ASTN2: variants seen among roughly 807,000 people sequenced by gnomAD.
ASTN2 encodes the protein astrotactin 2, also known as astrotactin-2.
Under a neutral mutation model 139.8 loss-of-function variants are expected in ASTN2, and 54 were observed. The observed-to-expected ratio is 0.39, with a 90% CI of 0.31 to 0.48. The LOEUF (loss-of-function observed/expected upper bound fraction) is 0.48. ASTN2 is among the 20% of genes least tolerant of loss of function. The pLI is 0.95. For missense variants in ASTN2, 1,565 were observed against 1,725.1 expected, an observed-to-expected ratio of 0.91 and a Z score of 1.64; for synonymous variants, 756 against 719.5, an observed-to-expected ratio of 1.05 and a Z score of -0.81.
intron 19 of ASTN2, chr9:116,612,056 G>A (rs1054970612): frequency 5.9e-5 from 9 of 152,054 alleles, no homozygotes; most frequent in Non-Finnish European, 1.2e-4. Context: ...CAAATTTAGA[G>A]AGATAAACTA....
chr9:117,191,091 G>C (rs1260266554), intron 3 of ASTN2, among the ~76,000 whole-genome samples: 2 of 151,994 alleles, frequency 1.3e-5, no homozygotes, highest in African/African-American at 4.8e-5. Context: ...AGCTAAACAT[G>C]TATCAAGAAC....
intron 13 of ASTN2, among the ~76,000 whole-genome samples, chr9:116,791,780 C>T (rs1392862225): frequency 6.6e-6 from 1 of 152,150 alleles, no homozygotes. Flanking sequence ...ATTGTCTCTG[C>T]TTCAGATGTC....
At chr9:117,235,624 C>T (rs1284269312) in intron 2 of ASTN2, among the ~76,000 whole-genome samples, 2 of 152,320 alleles carry the variant, frequency 1.3e-5, no homozygotes, top group African/African-American at 2.4e-5. Context: ...CCTTTCCCTT[C>T]ATTAGTACCT....
chr9:116,800,969 T>C (rs1319747397), intron 13 of ASTN2, among the ~76,000 whole-genome samples: 6 of 152,102 alleles, frequency 3.9e-5, no homozygotes, highest in Non-Finnish European at 8.8e-5. Flanking sequence ...GGTGGGGTGA[T>C]CTAGGCAGGG....
At chr9:116,478,528 C>G (rs773981200) in intron 20 of ASTN2, among the ~76,000 whole-genome samples, 2 of 152,134 alleles carry the variant, frequency 1.3e-5, no homozygotes, top group Non-Finnish European at 2.9e-5. Context: ...CTTCAGGGTC[C>G]TATCTAGGAT....
At chr9:116,774,471 T>C (rs1007536800) in intron 13 of ASTN2, among the ~76,000 whole-genome samples, 1 of 152,206 alleles carries the variant, frequency 6.6e-6, no homozygotes, top group Non-Finnish European at 1.5e-5. Flanking sequence ...ACATTTATTA[T>C]ATACCTTCTG....
chr9:116,528,085 C>T (rs886723181), intron 19 of ASTN2, among the ~76,000 whole-genome samples: 1 of 152,146 alleles, frequency 6.6e-6, no homozygotes, highest in Admixed American at 6.5e-5. Flanking sequence ...AAGGGGGTAA[C>T]AGGCAGAAGT....
intron 19 of ASTN2, among the ~76,000 whole-genome samples, 181 bp downstream of exon 19, chr9:116,618,143 C>G (rs76759344): frequency 6.6e-6 from 1 of 152,196 alleles, no homozygotes; most frequent in African/African-American, 2.4e-5. Flanking sequence ...AACTTGCTAT[C>G]TTTCCTTGAT....
intron 6 of ASTN2, among the ~76,000 whole-genome samples, chr9:117,015,706 G>C (rs1335104602): frequency 1.3e-5 from 2 of 152,126 alleles, no homozygotes; most frequent in African/African-American, 2.4e-5. Flanking sequence ...AAAATGCTGA[G>C]ATGTTCCAGT....
At chr9:116,802,873 C>A (rs1017211481) in intron 13 of ASTN2, among the ~76,000 whole-genome samples, 4 of 152,242 alleles carry the variant, frequency 2.6e-5, no homozygotes, top group African/African-American at 9.6e-5. Flanking sequence ...CCTTCCTGGA[C>A]AGGAAAATGC....
intron 7 of ASTN2, among the ~76,000 whole-genome samples, chr9:117,007,705 C>T (rs1226254854): frequency 6.6e-6 from 1 of 152,158 alleles, no homozygotes; most frequent in East Asian, 1.9e-4. Context: ...TCATTCAATC[C>T]TAATGACAGT....
intron 10 of ASTN2, among the ~76,000 whole-genome samples, chr9:116,919,854 T>C (rs1460012684): frequency 1.3e-5 from 2 of 151,252 alleles, no homozygotes; most frequent in Admixed American, 6.6e-5. Context: ...AGTGGGAGGA[T>C]TGCTTGAGCC....
chr9:117,160,169 G>A (rs560861762), intron 3 of ASTN2, among the ~76,000 whole-genome samples: 1 of 152,108 alleles, frequency 6.6e-6, no homozygotes, highest in Admixed American at 6.6e-5. Flanking sequence ...GGCCAATGGG[G>A]AGTGAATATT....
chr9:117,259,742 T>G (rs1466793159), intron 2 of ASTN2, among the ~76,000 whole-genome samples: 1 of 152,156 alleles, frequency 6.6e-6, no homozygotes, highest in Non-Finnish European at 1.5e-5. Flanking sequence ...GTATTATGTC[T>G]CCCTAAAATG....
chr9:116,698,829 G>A lies in ASTN2; in HGVS notation c.2806+26942C>T, dbSNP rs775843254. The A allele has an allele frequency of 6.2e-7, 1 of 1,614,188 alleles. No individual in the cohort carries two copies. The highest frequency in any genetic ancestry group is 1.7e-5 in the Admixed American group (1 of 60,032). ...GTGCCTCTTTCTCAAGAAGATGGGGGCCAAAGGCAGCACTCCAGGAATGTT... is the reference window on the plus strand; with the variant it reads ...GTGCCTCTTTCTCAAGAAGATGGGGACCAAAGGCAGCACTCCAGGAATGTT... On this transcript the variant is annotated intron_variant, in intron 16 of 22. Coordinates refer to ENST00000313400, the MANE Select transcript of ASTN2 (RefSeq NM_001365068.1). The surrounding 1 kb of genome is among the most constrained non-coding windows in gnomAD (Gnocchi z 4.4).
intron 10 of ASTN2, among the ~76,000 whole-genome samples, chr9:116,908,879 A>G (rs1564335603): frequency 6.6e-6 from 1 of 152,204 alleles, no homozygotes; most frequent in Non-Finnish European, 1.5e-5. Flanking sequence ...TGATGGGGCT[A>G]CTTGTACATC....
At chr9:116,824,855 A>C (rs1194755547) in intron 11 of ASTN2, among the ~76,000 whole-genome samples, 1 of 152,214 alleles carries the variant, frequency 6.6e-6, no homozygotes, top group African/African-American at 2.4e-5. Flanking sequence ...ATACACATCT[A>C]TCAGAGAACG....
chr9:116,489,739 G>A lies in ASTN2; in HGVS notation c.3356-2239C>T, dbSNP rs73522419. ...GGCCAGATGGCCCTGGGATTCAGCC[G>A]AACAACAGTTCTAGAAGGTATTTGC... On this transcript the variant is annotated intron_variant, in intron 19 of 22. Transcript: ENST00000313400. Among the ~76,000 whole-genome samples, 1,035 of 152,346 alleles carry A rather than the reference G, an allele frequency of 6.8e-3. 11 individuals are homozygous for A. The highest frequency in any genetic ancestry group is 0.023 in the African/African-American group (957 of 41,586).
intron 19 of ASTN2, among the ~76,000 whole-genome samples, chr9:116,501,354 C>T (rs989629799): frequency 7.2e-5 from 11 of 152,168 alleles, no homozygotes; most frequent in Admixed American, 6.5e-4. Context: ...TTTTCTTAAT[C>T]CAGTCTATCA....
Sources: gnomAD v4.1 joint callset for allele counts (sites outside exome capture counted in the v4.1 genomes callset) on GRCh38, gnomAD v4.1.1 for gene constraint, Gnocchi (gnomAD v3.1) non-coding constraint, MANE v1.5 for transcripts, NCBI Gene and HGNC (gene_info 2026-07-23, HGNC 2026-07-21) for gene names.